Variants in C1orf185 observed in about 807,000 individuals in gnomAD.
C1orf185 encodes chromosome 1 open reading frame 185.
C1orf185 carries 13 observed loss-of-function variants against 16.1 expected under a neutral mutation model. The observed-to-expected ratio is 0.81, with a 90% confidence interval of 0.53 to 1.28. C1orf185 has a LOEUF of 1.28. Ranked by LOEUF, C1orf185 falls within the 50% of genes most tolerant of loss-of-function variation. The pLI, the probability that C1orf185 is intolerant of heterozygous loss-of-function variation, is 0.00. For missense variants in C1orf185, 220 were observed against 225.2 expected, an observed-to-expected ratio of 0.98 and a Z score of 0.15; for synonymous variants, 80 against 76.9, an observed-to-expected ratio of 1.04 and a Z score of -0.21.
chr1:51,135,352 C>A (rs1326390024), intron 3 of C1orf185, among the ~76,000 whole-genome samples: 1 of 152,132 alleles, frequency 6.6e-6, no homozygotes, highest in Non-Finnish European at 1.5e-5. Context: ...CCAGCCTGAC[C>A]AACATGGAGA....
chr1:51,138,080 T>C (rs1332260146), intron 3 of C1orf185, among the ~76,000 whole-genome samples: 2 of 151,866 alleles, frequency 1.3e-5, no homozygotes, highest in Non-Finnish European at 2.9e-5. Context: ...AGGGAGAGAA[T>C]CAGGACAAAA....
chr1:51,102,838 CT>C (rs1300569847), intron 1 of C1orf185, among the ~76,000 whole-genome samples: 1 of 151,968 alleles, frequency 6.6e-6, no homozygotes, highest in Non-Finnish European at 1.5e-5. Context: ...AACTTCTTTT[CT>C]AATATATGCA....
intron 1 of C1orf185, among the ~76,000 whole-genome samples, chr1:51,104,378 G>C (rs7525814): frequency 0.037 from 5,631 of 152,062 alleles, 164 homozygotes; most frequent in African/African-American, 0.073. Context: ...TTAATACATA[G>C]GTCTATAACA....
At chr1:51,112,429 T>C in intron 1 of C1orf185, 35 bp from the exon 2 acceptor site, 3 of 1,460,386 alleles carry the variant, frequency 2.1e-6, no homozygotes, top group Non-Finnish European at 1.9e-6. Flanking sequence ...TAAAAATACA[T>C]GCATGAAATA....
intron 3 of C1orf185, among the ~76,000 whole-genome samples, chr1:51,139,831 A>G (rs1177932060): frequency 6.6e-6 from 1 of 152,304 alleles, no homozygotes; most frequent in Non-Finnish European, 1.5e-5. Flanking sequence ...TATTTCTCAC[A>G]TTACATATCA....
chr1:51,105,540 T>C (rs147728877), intron 1 of C1orf185, among the ~76,000 whole-genome samples: 34 of 152,282 alleles, frequency 2.2e-4, no homozygotes, highest in Non-Finnish European at 1.0e-4. Context: ...CATCTATCAT[T>C]ATCCATTGAA....
chr1:51,143,463 T>C (rs934106424), intron 3 of C1orf185, among the ~76,000 whole-genome samples: 2 of 152,208 alleles, frequency 1.3e-5, no homozygotes, highest in Admixed American at 6.5e-5. Context: ...GATGCCCAAA[T>C]TTTCCCAAAT....
intron 3 of C1orf185, among the ~76,000 whole-genome samples, chr1:51,122,018 G>A (rs1291579564): frequency 2.6e-5 from 4 of 152,176 alleles, no homozygotes; most frequent in South Asian, 4.1e-4. Flanking sequence ...TAAATTTCAT[G>A]TGTTTTAGAC....
chr1:51,143,995 C>T (rs1235028500), intron 3 of C1orf185, among the ~76,000 whole-genome samples: 1 of 152,070 alleles, frequency 6.6e-6, no homozygotes, highest in Non-Finnish European at 1.5e-5. Context: ...TATACAAAAC[C>T]GAAATTATTT....
At chr1:51,145,332 A>AATAATAATAATAATC (rs1420223993) in intron 3 of C1orf185, among the ~76,000 whole-genome samples, 1 of 151,844 alleles carries the variant, frequency 6.6e-6, no homozygotes, top group Non-Finnish European at 1.5e-5. Context: ...TAATAATAAT[A>AATAATAATAATAATC]ATCCCATTTT....
chr1:51,119,383 C>A (rs988784340), intron 3 of C1orf185, among the ~76,000 whole-genome samples: 1 of 152,146 alleles, frequency 6.6e-6, no homozygotes, highest in Non-Finnish European at 1.5e-5. Context: ...AATAGCTAAG[C>A]AAAACAGTGT....
intron 3 of C1orf185, among the ~76,000 whole-genome samples, chr1:51,120,425 G>A (rs751455911): frequency 6.6e-5 from 10 of 152,082 alleles, no homozygotes; most frequent in Non-Finnish European, 1.2e-4. Flanking sequence ...TTTCACCTCC[G>A]TAGAGTTGTT....
chr1:51,150,640 C>T (rs1488671773), downstream of C1orf185, among the ~76,000 whole-genome samples: 2 of 152,206 alleles, frequency 1.3e-5, no homozygotes, highest in Non-Finnish European at 2.9e-5. Flanking sequence ...ATCTCATTTT[C>T]AAGAACTATA....
downstream of C1orf185, among the ~76,000 whole-genome samples, chr1:51,151,313 G>A (rs1272285263): frequency 2.0e-5 from 3 of 152,096 alleles, no homozygotes; most frequent in Admixed American, 6.6e-5. Flanking sequence ...TTTTCGGATT[G>A]GGGTAAGAGA....
intron 3 of C1orf185, among the ~76,000 whole-genome samples, chr1:51,130,014 A>T (rs1197609548): frequency 1.3e-5 from 2 of 152,142 alleles, no homozygotes; most frequent in Non-Finnish European, 2.9e-5. Flanking sequence ...GTTCTTTTTC[A>T]TGGCTGAGTA....
At chr1:51,121,022 T>C (rs1209095917) in intron 3 of C1orf185, among the ~76,000 whole-genome samples, 2 of 152,204 alleles carry the variant, frequency 1.3e-5, no homozygotes, top group African/African-American at 2.4e-5. Flanking sequence ...TACAACATGA[T>C]GTTTTGAAAT....
At chr1:51,140,012 T>C (rs1646353772) in intron 3 of C1orf185, among the ~76,000 whole-genome samples, 1 of 152,212 alleles carries the variant, frequency 6.6e-6, no homozygotes, top group Non-Finnish European at 1.5e-5. Flanking sequence ...TCATATTTTA[T>C]TGGCCAAAGC....
rs35232347 is a variant in C1orf185 at position 51,111,370 on chromosome 1, C to CTTTTTTTTTTTTTTTTTTTTTTTTTTTTT, written c.17-1091_17-1090insTTTTTTTTTTTTTTTTTTTTTTTTTTTTT. On this transcript the variant is annotated intron_variant, in intron 1 of 4. Coordinates refer to ENST00000371759, the MANE Select transcript of C1orf185 (RefSeq NM_001136508.2). ...ATATTGCTTTCATTTAGCTTTCTTT[C>CTTTTTTTTTTTTTTTTTTTTTTTTTTTTT]TTTCTTTTTTTTTTTTTTTGAGAGA... Among the ~76,000 whole-genome samples the CTTTTTTTTTTTTTTTTTTTTTTTTTTTTT allele has an allele frequency of 2.6e-4, 30 of 114,418 alleles. 5 individuals are homozygous for CTTTTTTTTTTTTTTTTTTTTTTTTTTTTT. Among genetic ancestry groups the CTTTTTTTTTTTTTTTTTTTTTTTTTTTTT allele is most frequent in the Non-Finnish European group, 3.4e-4 (19 of 55,506 alleles). 75.1% of individuals were successfully genotyped at this position (114,418 alleles called of 152,430 possible).
At chr1:51,111,047 C>A (rs997459063) in intron 1 of C1orf185, among the ~76,000 whole-genome samples, 32 of 152,068 alleles carry the variant, frequency 2.1e-4, no homozygotes, top group African/African-American at 7.7e-4. Context: ...TGAAAGCTTT[C>A]TACGGTTTAC....
Sources: gnomAD v4.1 joint callset for allele counts (sites outside exome capture counted in the v4.1 genomes callset) on GRCh38, gnomAD v4.1.1 for gene constraint, MANE v1.5 for transcripts, NCBI Gene and HGNC (gene_info 2026-07-23, HGNC 2026-07-21) for gene names.